LMAN2L: variants seen among roughly 807,000 people sequenced by gnomAD.
LMAN2L encodes VIP36-like protein.
LMAN2L carries 30 observed loss-of-function variants against 44.3 expected under a neutral mutation model. That is an observed-to-expected ratio of 0.68 (90% CI 0.51 to 0.92). LMAN2L has a LOEUF of 0.92. Among genes scored for constraint, LMAN2L ranks in the 40% least tolerant of loss-of-function variants. The probability of loss-of-function intolerance (pLI) is 0.00; values close to 1 mark genes in which losing one functional copy is unlikely to be tolerated. For missense variants in LMAN2L, 429 were observed against 446.1 expected (o/e 0.96, Z 0.35); for synonymous variants, 183 against 171.1 (o/e 1.07, Z -0.54).
chr2:96,719,030 T>G (rs1002690117), intron 4 of LMAN2L, among the ~76,000 whole-genome samples: 3 of 152,178 alleles, frequency 2.0e-5, no homozygotes, highest in Non-Finnish European at 2.9e-5. Flanking sequence ...GAGACTAAAT[T>G]TGAGGTGTGC....
Position 96,707,199 on chromosome 2 carries a change from C to G in LMAN2L, c.*57G>C. ...TCCAGGCTGCATGCTCAGGCCAGTG[C>G]CTGCTCCTTCCATACCTCATGGGTG... is the stretch of plus-strand genomic sequence containing the variant. On this transcript the variant is annotated 3_prime_UTR_variant, in exon 8 of 8. Transcript: ENST00000264963. 2 of 1,562,652 alleles carry G rather than the reference C, an allele frequency of 1.3e-6. No homozygotes were observed. The highest frequency in any genetic ancestry group is 1.7e-4 in the Middle Eastern group (1 of 5,868).
At position 96,707,331 on chromosome 2, in the gene LMAN2L, A is replaced by G. The variant is rs2077805786; in HGVS notation, c.972T>C (p.Phe324=). The G allele has an allele frequency of 6.2e-7, 1 of 1,614,038 alleles. No individual in the cohort carries two copies. The highest frequency in any genetic ancestry group is 8.5e-7 in the Non-Finnish European group (1 of 1,180,010). The change falls in exon 8 of 8, where the codon TTT becomes TTC. Residue 324 remains phenylalanine, a synonymous_variant. Coordinates refer to ENST00000264963, the MANE Select transcript of LMAN2L (RefSeq NM_030805.4). ...LFLIVFFSLV[F]SVFAIVIGII... is the part of the protein sequence containing the mutation. ...TACCAATGACTATGGCAAATACAGA[A>G]AACACCAGGGAGAAAAAGACGATGA...
At chr2:96,726,910 C>T (rs2078283628) in intron 4 of LMAN2L, among the ~76,000 whole-genome samples, 1 of 151,910 alleles carries the variant, frequency 6.6e-6, no homozygotes, top group South Asian at 2.1e-4. Context: ...ATGGTGAAAC[C>T]CCGTCTCCAC....
chr2:96,738,109 A>C, intron 1 of LMAN2L, 42 bp from the exon 2 acceptor site: 1 of 1,381,110 alleles, frequency 7.2e-7, no homozygotes. Flanking sequence ...TTCAACACCA[A>C]TCCATTCAGA....
At chr2:96,739,177 G>A (rs1558967415) in intron 1 of LMAN2L, among the ~76,000 whole-genome samples, 1 of 152,180 alleles carries the variant, frequency 6.6e-6, no homozygotes, top group Non-Finnish European at 1.5e-5. Flanking sequence ...AGGCACTCCA[G>A]GCATGTAAGT....
At position 96,711,694 on chromosome 2, in the gene LMAN2L, T is replaced by C; in HGVS notation, c.746A>G (p.Tyr249Cys). Residue 249 changes from tyrosine to cysteine, a missense_variant, in exon 6 of 8, where the codon TAC (tyrosine) becomes TGC (cysteine). Transcript: ENST00000264963. ...EVPGVRLPRG[Y>C]YFGTSSITGD... Reference sequence around the variant, plus strand: ...AGTGATGGAGGAGGTGCCGAAGTAGTAGCCGCGGGGCAGGCGGACTCCGGG... The same window carrying C: ...AGTGATGGAGGAGGTGCCGAAGTAGCAGCCGCGGGGCAGGCGGACTCCGGG... The C allele has an allele frequency of 1.2e-6, 2 of 1,614,050 alleles. No homozygotes were observed. Among genetic ancestry groups the C allele is most frequent in the Non-Finnish European group, 1.7e-6 (2 of 1,179,976 alleles).
At chr2:96,739,170 C>T (rs2078581274) in intron 1 of LMAN2L, among the ~76,000 whole-genome samples, 3 of 152,234 alleles carry the variant, frequency 2.0e-5, no homozygotes, top group African/African-American at 7.2e-5. Flanking sequence ...AGCACAGAGG[C>T]ACTCCAGGCA....
chr2:96,737,568 C>T (rs552284284), intron 2 of LMAN2L, among the ~76,000 whole-genome samples: 1 of 152,184 alleles, frequency 6.6e-6, no homozygotes, highest in East Asian at 1.9e-4. Context: ...CAGGAGGAGC[C>T]CTTAAGCCCA....
chr2:96,717,691 T>C (rs2078067900), intron 4 of LMAN2L, among the ~76,000 whole-genome samples: 1 of 151,572 alleles, frequency 6.6e-6, no homozygotes, highest in Admixed American at 6.6e-5. Context: ...AATACAAAAT[T>C]AGACGGGCAT....
At position 96,726,003 on chromosome 2, in the gene LMAN2L, G is replaced by A. The variant is rs535177887; in HGVS notation, c.507+7516C>T. On this transcript the variant is annotated intron_variant, in intron 4 of 7. Transcript: ENST00000264963. ...AGAAATTAGCCAGGCGTGGTAGCAC[G>A]TGCCTGTAATCCCAGCTACTCTGGA... Among the ~76,000 whole-genome samples, 261 of 151,696 alleles carry A rather than the reference G, an allele frequency of 1.7e-3. 2 individuals are homozygous for A. Among genetic ancestry groups the A allele is most frequent in the Admixed American group, 2.8e-3 (42 of 15,252 alleles).
intron 1 of LMAN2L, among the ~76,000 whole-genome samples, chr2:96,738,751 T>C (rs2078570140): frequency 6.6e-6 from 1 of 152,010 alleles, no homozygotes; most frequent in South Asian, 2.1e-4. Context: ...CCTTTTTTTT[T>C]TTTCTTTGAG....
At chr2:96,737,128 T>A (rs1424059362) in intron 2 of LMAN2L, 1 of 455,350 alleles carries the variant, frequency 2.2e-6, no homozygotes, top group South Asian at 1.6e-5. Context: ...AAAGAAAGCA[T>A]CATCTTACAC....
intron 6 of LMAN2L, among the ~76,000 whole-genome samples, chr2:96,710,283 C>A (rs1013061095): frequency 3.3e-5 from 5 of 152,166 alleles, no homozygotes; most frequent in Admixed American, 6.5e-5. Context: ...AAACTGTATT[C>A]TTCTGTTGTA....
rs147882187 is a variant in LMAN2L, at chr2:96,710,083, C to A, written c.784+1573G>T. Among the ~76,000 whole-genome samples, 257 of 152,262 alleles carry A rather than the reference C, an allele frequency of 1.7e-3. 1 individual carries two copies. The highest frequency in any genetic ancestry group is 6.0e-3 in the African/African-American group (249 of 41,540). ...ATTTTTCCCACAGGTCTGGCCTGCT[C>A]GGTACTTAGAACCTAATTGCCAAAA... is the stretch of plus-strand genomic sequence containing the variant. On this transcript the variant is annotated intron_variant, in intron 6 of 7. Transcript: ENST00000264963.
At chr2:96,730,426 G>A (rs1455796504) in intron 4 of LMAN2L, among the ~76,000 whole-genome samples, 1 of 152,108 alleles carries the variant, frequency 6.6e-6, no homozygotes, top group Non-Finnish European at 1.5e-5. Context: ...TATATGGTGA[G>A]CATGAGTCAC....
At chr2:96,727,131 C>T (rs1358364246) in intron 4 of LMAN2L, among the ~76,000 whole-genome samples, 3 of 150,686 alleles carry the variant, frequency 2.0e-5, no homozygotes, top group Non-Finnish European at 4.4e-5. Flanking sequence ...CACACAAACA[C>T]ATATATATAT....
At chr2:96,721,606 T>C (rs2078157319) in intron 4 of LMAN2L, among the ~76,000 whole-genome samples, 1 of 151,900 alleles carries the variant, frequency 6.6e-6, no homozygotes, top group African/African-American at 2.4e-5. Context: ...ACTCAAGCAA[T>C]CCTCCTGCCT....
At chr2:96,720,227 G>C (rs551209020) in intron 4 of LMAN2L, among the ~76,000 whole-genome samples, 3 of 152,194 alleles carry the variant, frequency 2.0e-5, no homozygotes, top group African/African-American at 7.2e-5. Flanking sequence ...TGCCTCCCCA[G>C]GGGTGAGGCC....
At chr2:96,724,890 G>A (rs2078235371) in intron 4 of LMAN2L, among the ~76,000 whole-genome samples, 2 of 151,910 alleles carry the variant, frequency 1.3e-5, no homozygotes, top group South Asian at 4.1e-4. Context: ...GGAGTGCAGT[G>A]GCGCGATCTT....
Sources: allele counts gnomAD v4.1 joint callset (sites outside exome capture counted in the v4.1 genomes callset), GRCh38; gene constraint gnomAD v4.1.1; transcripts MANE v1.5; gene names NCBI Gene and HGNC (gene_info 2026-07-23, HGNC 2026-07-21).